CCNE2: variants seen among roughly 807,000 people sequenced by gnomAD.
The protein encoded by CCNE2 is cyclin E2.
In CCNE2, 18 loss-of-function variants were observed where a neutral mutation model predicts 56.8. The observed-to-expected ratio is 0.32, with a 90% CI of 0.22 to 0.47. The LOEUF (loss-of-function observed/expected upper bound fraction) is 0.47. CCNE2 is among the 20% of genes least tolerant of loss of function. The probability of loss-of-function intolerance (pLI) is 1.00; values close to 1 mark genes in which losing one functional copy is unlikely to be tolerated. For missense variants in CCNE2, 371 were observed against 467.1 expected (o/e 0.79, Z 1.90); for synonymous variants, 139 against 149.2 (o/e 0.93, Z 0.50).
Position 94,881,546 on chromosome 8 carries a change from C to CTACTT in CCNE2, c.*81_*85dup. On this transcript the variant is annotated 3_prime_UTR_variant, in exon 12 of 12. Transcript: ENST00000308108. ...TTGGCTAGGGCAATCAATCACAGCA[C>CTACTT]TACTTTCTGTAAAACTTTAGTAGTT... 2.2e-6 allele frequency: 3 copies of CTACTT among 1,392,280 alleles called. No individual in the cohort carries two copies. The highest frequency in any genetic ancestry group is 2.0e-6 in the Non-Finnish European group (2 of 1,007,388). The allele number at this position is 1,392,280 out of a possible 1,614,324, so 86.2% of individuals were successfully genotyped here. A position where few individuals can be genotyped will look rare whatever the true frequency, so the allele number is the denominator to read the frequency against.
chr8:94,880,508 A>ATT lies in CCNE2; in HGVS notation c.*1122_*1123dup. On this transcript the variant is annotated 3_prime_UTR_variant, in exon 12 of 12. Transcript: ENST00000308108. ...TTTCTAATCTACTTTATGAGGCTGGATTTTTTTTTTAGAAAAGCTAATTTA... is the reference window on the plus strand; with the variant it reads ...TTTCTAATCTACTTTATGAGGCTGGATTTTTTTTTTTTAGAAAAGCTAATTTA... 3.5e-6 allele frequency: 1 copy of ATT among 285,534 alleles called. No individual in the cohort carries two copies. Among genetic ancestry groups the ATT allele is most frequent in the Non-Finnish European group, 6.3e-6 (1 of 157,586 alleles). The allele number at this position is 285,534 out of a possible 1,614,324, so 17.7% of individuals were successfully genotyped here.
chr8:94,890,369 T>C, intron 6 of CCNE2, 46 bp downstream of exon 6: 3 of 1,468,198 alleles, frequency 2.0e-6, no homozygotes, highest in African/African-American at 1.4e-5. Context: ...GCTAAATATG[T>C]TTCCATCATA....
chr8:94,896,272 C>T (rs909347428), upstream of CCNE2, among the ~76,000 whole-genome samples: 14 of 148,400 alleles, frequency 9.4e-5, no homozygotes, highest in Non-Finnish European at 1.5e-4. Context: ...CGCCCCGCCC[C>T]GCCGCCGCCG....
At chr8:94,884,781 C>T (rs1816972098) in intron 9 of CCNE2, 2 of 255,706 alleles carry the variant, frequency 7.8e-6, no homozygotes, top group East Asian at 7.5e-5. Context: ...AAAGCTTAAA[C>T]ACAACTGGCG....
chr8:94,893,575 C>G (rs1817324971), intron 4 of CCNE2: 1 of 284,556 alleles, frequency 3.5e-6, no homozygotes, highest in Admixed American at 5.0e-5. Context: ...GCTATTAGGA[C>G]CGTCTACTAG....
intron 9 of CCNE2, chr8:94,883,800 T>C (rs960108403): frequency 4.9e-6 from 2 of 410,798 alleles, no homozygotes; most frequent in Admixed American, 2.4e-5. Context: ...CTAGTAGCAG[T>C]GGAATGGTAT....
At chr8:94,888,142 C>A in intron 6 of CCNE2, 69 bp from the exon 7 acceptor site, 1 of 1,112,126 alleles carries the variant, frequency 9.0e-7, no homozygotes, top group South Asian at 1.6e-5. Flanking sequence ...CATCTCTTAG[C>A]ATATCAGACT....
intron 5 of CCNE2, among the ~76,000 whole-genome samples, 178 bp downstream of exon 5, chr8:94,892,639 TA>T (rs1407698107): frequency 6.6e-6 from 1 of 152,218 alleles, no homozygotes; most frequent in Non-Finnish European, 1.5e-5. Context: ...ATCAGTGTTT[TA>T]AATACCCATA....
At chr8:94,895,475 C>G (rs1332679038), upstream of CCNE2, among the ~76,000 whole-genome samples, 1 of 152,198 alleles carries the variant, frequency 6.6e-6, no homozygotes, top group Non-Finnish European at 1.5e-5. Flanking sequence ...GCTGTTCTCC[C>G]CGCCGCCTGG....
Position 94,895,063 on chromosome 8 carries a change from T to C in CCNE2, c.-27+114A>G, listed in dbSNP as rs1004499173. 7 of 478,732 alleles carry C rather than the reference T, an allele frequency of 1.5e-5. No individual in the cohort carries two copies. In the African/African-American group the frequency reaches 1.5e-4, roughly 10 times the overall value. The allele number at this position is 478,732 out of a possible 1,614,324, so 29.7% of individuals were successfully genotyped here. A position where few individuals can be genotyped will look rare whatever the true frequency, so the allele number is the denominator to read the frequency against. On this transcript the variant is annotated intron_variant, in intron 1 of 11. Coordinates refer to ENST00000308108, the MANE Select transcript of CCNE2 (RefSeq NM_057749.3). ...CGCGGGAACCCATGACCCCCAGTCG[T>C]CTAGTTCTCAGCCCTCCCGATTTTC...
At chr8:94,894,585 C>G (rs1817392284) in intron 1 of CCNE2, 1 of 245,820 alleles carries the variant, frequency 4.1e-6, no homozygotes, top group South Asian at 9.3e-5. Flanking sequence ...GGGGCTTGGG[C>G]AGCGCCCCCA....
chr8:94,886,528 G>GA (rs1436418775), intron 7 of CCNE2, among the ~76,000 whole-genome samples: 1 of 150,548 alleles, frequency 6.6e-6, no homozygotes, highest in Non-Finnish European at 1.5e-5. Flanking sequence ...GCAACAAAGA[G>GA]AAACGCTGTC....
At position 94,880,849 on chromosome 8, in the gene CCNE2, A is replaced by T. The variant is rs1816782648; in HGVS notation, c.*783T>A. 1 of 398,600 alleles carries T rather than the reference A, an allele frequency of 2.5e-6. No individual in the cohort carries two copies. Among genetic ancestry groups the T allele is most frequent in the South Asian group, 1.3e-4 (1 of 7,858 alleles). The allele number at this position is 398,600 out of a possible 1,614,324, so 24.7% of individuals were successfully genotyped here. A position where few individuals can be genotyped will look rare whatever the true frequency, so the allele number is the denominator to read the frequency against. ...GTTTGAAAGGGTACTTAAGTTTTTC[A>T]CCCAAATTGTGATATACAAAAAGGT... is the stretch of plus-strand genomic sequence containing the variant. On this transcript the variant is annotated 3_prime_UTR_variant, in exon 12 of 12. Transcript: ENST00000308108.
At chr8:94,889,959 T>C (rs903634324) in intron 6 of CCNE2, among the ~76,000 whole-genome samples, 33 of 152,154 alleles carry the variant, frequency 2.2e-4, no homozygotes, top group Admixed American at 1.0e-3. Context: ...ATAGAGGGCG[T>C]AGAGCTTCCA....
chr8:94,881,903 A>AT (rs1230696187), intron 11 of CCNE2, 158 bp from the exon 12 acceptor site: 5 of 952,958 alleles, frequency 5.2e-6, no homozygotes, highest in Non-Finnish European at 7.6e-6. Flanking sequence ...AACGTTATAT[A>AT]TTTTTTAAAC....
In CCNE2 at chr8:94,882,850, G is replaced by C. The variant is rs1162507273; in HGVS notation, c.874C>G (p.Gln292Glu). 1.9e-6 allele frequency: 3 copies of C among 1,613,604 alleles called. No individual in the cohort carries two copies. Among genetic ancestry groups the C allele is most frequent in the Non-Finnish European group, 8.5e-7 (1 of 1,179,780 alleles). The change falls in exon 10 of 12, where the codon CAG (glutamine) becomes GAG (glutamate). Residue 292 changes from glutamine (Q) to glutamate (E), a missense_variant. Transcript: ENST00000308108. ...CILAIDSLEF[Q>E]YRILTAAALC... ...GCAGCAGCAGTCAGTATTCTGTACT[G>C]GAACTCTAATGAATCAATGGCTAGA...
At chr8:94,891,051 A>G (rs998130895) in intron 5 of CCNE2, among the ~76,000 whole-genome samples, 1 of 152,176 alleles carries the variant, frequency 6.6e-6, no homozygotes, top group East Asian at 1.9e-4. Context: ...TAATTTTTGG[A>G]AACAATTTCC....
intron 7 of CCNE2, among the ~76,000 whole-genome samples, chr8:94,887,349 A>G (rs1198799902): frequency 6.6e-6 from 1 of 152,134 alleles, no homozygotes; most frequent in Non-Finnish European, 1.5e-5. Context: ...TACTAAAAAT[A>G]CAAAAATCAG....
At chr8:94,881,832 A>AATT in intron 11 of CCNE2, 87 bp from the exon 12 acceptor site, 1 of 1,486,438 alleles carries the variant, frequency 6.7e-7, no homozygotes, top group Admixed American at 2.0e-5. Context: ...ATTTAGGCCT[A>AATT]ATTTTAATAG....
Sources: gnomAD v4.1 joint callset for allele counts (sites outside exome capture counted in the v4.1 genomes callset) on GRCh38, gnomAD v4.1.1 for gene constraint, MANE v1.5 for transcripts, NCBI Gene and HGNC (gene_info 2026-07-23, HGNC 2026-07-21) for gene names.